Variants in GLG1 observed in about 807,000 individuals in gnomAD.
GLG1 encodes golgi glycoprotein 1.
Under a neutral mutation model 160.5 loss-of-function variants are expected in GLG1, and 38 were observed. That is an observed-to-expected ratio of 0.24 (90% CI 0.18 to 0.31). The LOEUF (loss-of-function observed/expected upper bound fraction) is 0.31, where lower values mean the gene tolerates loss of function less well. GLG1 is among the 10% of genes least tolerant of loss of function. The pLI, the probability that GLG1 is intolerant of heterozygous loss-of-function variation, is 1.00. For synonymous variants in GLG1, 644 were observed against 543.4 expected, an observed-to-expected ratio of 1.19 and a Z score of -2.57; for missense variants, 1,373 against 1,505.2, an observed-to-expected ratio of 0.91 and a Z score of 1.45.
chr16:74,527,561 C>G (rs117595814), intron 2 of GLG1, among the ~76,000 whole-genome samples: 2,809 of 151,886 alleles, frequency 0.018, 34 homozygotes, highest in Non-Finnish European at 0.027. Context: ...AGTCAGTTAT[C>G]TTAAAGCATG....
chr16:74,451,006 CAG>C lies in GLG1; in HGVS notation c.*2159_*2160del, dbSNP rs1321972340. The C allele has an allele frequency of 6.6e-6, 1 of 152,184 alleles. No individual in the cohort carries two copies. Among genetic ancestry groups the C allele is most frequent in the Non-Finnish European group, 1.5e-5 (1 of 68,046 alleles). 9.4% of individuals were successfully genotyped at this position (152,184 alleles called of 1,614,324 possible). On this transcript the variant is annotated 3_prime_UTR_variant, in exon 26 of 26. Coordinates refer to ENST00000422840, the MANE Select transcript of GLG1 (RefSeq NM_001145667.2). ...TTTACGCATACTGGGAAGGAGACTG[CAG>C]AGAGGAAGGATACCCCACCCGGTCA...
Position 74,474,557 on chromosome 16 carries a change from A to C in GLG1, c.2041T>G (p.Leu681Val). 1 of 1,509,750 alleles carries C rather than the reference A, an allele frequency of 6.6e-7. No homozygotes were observed. 93.5% of individuals were successfully genotyped at this position (1,509,750 alleles called of 1,614,324 possible). The change falls in exon 13 of 26, where the codon TTA becomes GTA. Residue 681 changes from leucine to valine, a missense_variant. Transcript: ENST00000422840. ...TGCATACCACTTACCTCTGATTCTA[A>C]CTCAGTGAGGTTGCCAACTATATCT... ...CRDIVGNLTE[L>V]ESEDIQIEAL...
intron 1 of GLG1, among the ~76,000 whole-genome samples, chr16:74,602,602 T>C (rs1329016227): frequency 1.3e-5 from 2 of 151,926 alleles, no homozygotes; most frequent in Non-Finnish European, 2.9e-5. Context: ...GCCAATATAG[T>C]GAAACCCTGT....
At chr16:74,597,472 G>A (rs974754909) in intron 1 of GLG1, among the ~76,000 whole-genome samples, 2 of 150,918 alleles carry the variant, frequency 1.3e-5, no homozygotes, top group East Asian at 2.0e-4. Context: ...AAAAAGCTCC[G>A]GTGATAGATG....
intron 4 of GLG1, among the ~76,000 whole-genome samples, chr16:74,500,572 A>G (rs1201990677): frequency 4.6e-5 from 7 of 152,108 alleles, no homozygotes; most frequent in Non-Finnish European, 1.0e-4. Flanking sequence ...CTCTATTTCA[A>G]TCCTTCTGCT....
chr16:74,459,576 G>C (rs887804427), intron 23 of GLG1, 106 bp downstream of exon 23: 4 of 672,732 alleles, frequency 5.9e-6, no homozygotes, highest in Non-Finnish European at 1.1e-5. Context: ...GCAGAAGGTT[G>C]AGATTTTTGG....
At chr16:74,506,521 G>A (rs1436618561) in intron 3 of GLG1, among the ~76,000 whole-genome samples, 4 of 132,228 alleles carry the variant, frequency 3.0e-5, no homozygotes, top group East Asian at 2.5e-4. Context: ...GGCGGAGCTT[G>A]CAGCGAGCAG....
chr16:74,537,121 G>A (rs115942766), intron 1 of GLG1, among the ~76,000 whole-genome samples: 2,021 of 152,298 alleles, frequency 0.013, 32 homozygotes, highest in African/African-American at 0.046. Context: ...AATGATTCCT[G>A]ACATTGCATA....
At chr16:74,584,893 C>T (rs954709245) in intron 1 of GLG1, among the ~76,000 whole-genome samples, 3 of 142,804 alleles carry the variant, frequency 2.1e-5, no homozygotes, top group East Asian at 2.1e-4. Context: ...TCCAGCCTGG[C>T]GACAGAGCGA....
chr16:74,568,886 ATCT>A (rs1319590340), intron 1 of GLG1, among the ~76,000 whole-genome samples: 1 of 152,224 alleles, frequency 6.6e-6, no homozygotes, highest in African/African-American at 2.4e-5. Flanking sequence ...GAAAACAAAA[ATCT>A]TCTTAAAAGC....
intron 22 of GLG1, among the ~76,000 whole-genome samples, chr16:74,460,311 G>A (rs1486355267): frequency 6.6e-6 from 1 of 151,956 alleles, no homozygotes. Context: ...ATGAGCCACC[G>A]CAACTGGCCT....
chr16:74,545,587 T>C (rs1460912250), intron 1 of GLG1, among the ~76,000 whole-genome samples: 2 of 152,364 alleles, frequency 1.3e-5, no homozygotes, highest in Non-Finnish European at 2.9e-5. Context: ...TAAATTCAGA[T>C]ATCTATTTTG....
intron 4 of GLG1, among the ~76,000 whole-genome samples, chr16:74,497,427 GTGCT>G (rs2016235736): frequency 6.7e-6 from 1 of 148,312 alleles, no homozygotes; most frequent in Non-Finnish European, 1.5e-5. Flanking sequence ...CCAAATAACA[GTGCT>G]TGCTTTTTTT....
intron 2 of GLG1, among the ~76,000 whole-genome samples, chr16:74,520,565 G>A (rs1379309917): frequency 6.6e-6 from 1 of 152,140 alleles, no homozygotes; most frequent in Non-Finnish European, 1.5e-5. Flanking sequence ...GAACCCAGGG[G>A]GCGGTGGTTG....
At chr16:74,457,321 C>T (rs2014592869) in intron 24 of GLG1, among the ~76,000 whole-genome samples, 1 of 152,142 alleles carries the variant, frequency 6.6e-6, no homozygotes, top group Non-Finnish European at 1.5e-5. Flanking sequence ...CACTTGAACC[C>T]AGGAGGCGGA....
chr16:74,549,147 A>G (rs1169497951), intron 1 of GLG1, among the ~76,000 whole-genome samples: 2 of 152,226 alleles, frequency 1.3e-5, no homozygotes, highest in Non-Finnish European at 2.9e-5. Context: ...ACTAATAAGC[A>G]CTTCTGCAAA....
intron 6 of GLG1, among the ~76,000 whole-genome samples, chr16:74,494,398 G>T: frequency 7.6e-6 from 1 of 131,412 alleles, no homozygotes; most frequent in Non-Finnish European, 1.6e-5. Flanking sequence ...GAGAAATTGA[G>T]AAAGCTTTTT....
At chr16:74,495,553 G>C (rs944314045) in intron 5 of GLG1, among the ~76,000 whole-genome samples, 1 of 152,194 alleles carries the variant, frequency 6.6e-6, no homozygotes, top group African/African-American at 2.4e-5. Flanking sequence ...TTGTTGTAAG[G>C]ATGGAGAGAC....
At chr16:74,562,771 G>T (rs547213061) in intron 1 of GLG1, among the ~76,000 whole-genome samples, 1 of 152,248 alleles carries the variant, frequency 6.6e-6, no homozygotes, top group East Asian at 1.9e-4. Flanking sequence ...TACCGTGCTG[G>T]CAGTAAAGGA....
Sources: allele counts gnomAD v4.1 joint callset (sites outside exome capture counted in the v4.1 genomes callset), GRCh38; gene constraint gnomAD v4.1.1; transcripts MANE v1.5; gene names NCBI Gene and HGNC (gene_info 2026-07-23, HGNC 2026-07-21).